ATP9B: variants seen among roughly 807,000 people sequenced by gnomAD.
ATP9B encodes ATPase phospholipid transporting 9B, also known as probable phospholipid-transporting ATPase IIB.
ATP9B carries 110 observed loss-of-function variants against 146.1 expected under a neutral mutation model. That is an observed-to-expected ratio of 0.75 (90% CI 0.65 to 0.88). ATP9B has a LOEUF of 0.88. ATP9B is among the 40% of genes least tolerant of loss of function. The probability of loss-of-function intolerance (pLI) is 0.00; values close to 1 mark genes in which losing one functional copy is unlikely to be tolerated. For synonymous variants in ATP9B, 604 were observed against 569.7 expected, an observed-to-expected ratio of 1.06 and a Z score of -0.86; for missense variants, 1,499 against 1,496.4, an observed-to-expected ratio of 1.00 and a Z score of -0.03.
chr18:79,159,805 C>G (rs1258546973), intron 7 of ATP9B, among the ~76,000 whole-genome samples: 1 of 152,222 alleles, frequency 6.6e-6, no homozygotes, highest in Non-Finnish European at 1.5e-5. Flanking sequence ...TCCCCTTTCT[C>G]TGTGAAATTT....
intron 13 of ATP9B, among the ~76,000 whole-genome samples, chr18:79,296,975 G>C (rs1246847609): frequency 1.3e-5 from 2 of 150,790 alleles, no homozygotes; most frequent in Non-Finnish European, 3.0e-5. Flanking sequence ...AGGAGACAGA[G>C]AGATGACCCA....
At chr18:79,354,862 C>T (rs1184450856) in intron 25 of ATP9B, among the ~76,000 whole-genome samples, 1 of 152,200 alleles carries the variant, frequency 6.6e-6, no homozygotes, top group African/African-American at 2.4e-5. Context: ...CCTCTCCAAC[C>T]GTGGGTCCAC....
Position 79,163,704 on chromosome 18 carries a change from C to G in ATP9B, c.778+9149C>G, listed in dbSNP as rs1449858527. Among the ~76,000 whole-genome samples the G allele has an allele frequency of 3.3e-5, 5 of 151,862 alleles. No homozygotes were observed. In the East Asian group the frequency reaches 9.6e-4, roughly 29 times the overall value. On this transcript the variant is annotated intron_variant, in intron 7 of 29. Transcript: ENST00000426216. ...TTATAATTCTTTTGACAAATAACCC[C>G]TAACGGTTTATTTAAATATATGTAT...
chr18:79,260,777 A>G (rs11661990), intron 12 of ATP9B, among the ~76,000 whole-genome samples: 9,367 of 152,308 alleles, frequency 0.062, 579 homozygotes, highest in African/African-American at 0.16. Context: ...TGAGCAGTGC[A>G]GAGGCCATGG....
chr18:79,197,146 A>G (rs1477373809), intron 9 of ATP9B, among the ~76,000 whole-genome samples: 1 of 152,230 alleles, frequency 6.6e-6, no homozygotes, highest in Non-Finnish European at 1.5e-5. Flanking sequence ...TCACAATGCA[A>G]TAAAATTGGT....
chr18:79,311,446 G>A (rs1490563642), intron 15 of ATP9B, among the ~76,000 whole-genome samples: 1 of 152,154 alleles, frequency 6.6e-6, no homozygotes, highest in Non-Finnish European at 1.5e-5. Flanking sequence ...GGTGACCTCA[G>A]GAACAAGAAA....
chr18:79,114,408 C>G (rs1056836159), intron 4 of ATP9B, among the ~76,000 whole-genome samples: 2 of 152,124 alleles, frequency 1.3e-5, no homozygotes, highest in African/African-American at 4.8e-5. Flanking sequence ...ACATGGCGAG[C>G]CGAGCAGTCT....
At position 79,118,408 on chromosome 18, in the gene ATP9B, T is replaced by G. The variant is rs796178403; in HGVS notation, c.558+5054T>G. ...CGTTTTTGTTTTTTTTTTTTTTTTTTTTTTTTTTTTGAGACAGAGTCTTGG... is the reference window on the plus strand; with the variant it reads ...CGTTTTTGTTTTTTTTTTTTTTTTTGTTTTTTTTTTGAGACAGAGTCTTGG... On this transcript the variant is annotated intron_variant, in intron 4 of 29. Coordinates refer to ENST00000426216, the MANE Select transcript of ATP9B (RefSeq NM_198531.5). Among the ~76,000 whole-genome samples the G allele has an allele frequency of 5.6e-4, 76 of 135,814 alleles. 2 individuals are homozygous for G. The highest frequency in any genetic ancestry group is 1.9e-3 in the African/African-American group (69 of 35,688). 89.1% of individuals were successfully genotyped at this position (135,814 alleles called of 152,430 possible). A position where few individuals can be genotyped will look rare whatever the true frequency, so the allele number is the denominator to read the frequency against.
chr18:79,287,297 C>G (rs1194565362), intron 13 of ATP9B, among the ~76,000 whole-genome samples: 2 of 152,154 alleles, frequency 1.3e-5, no homozygotes, highest in African/African-American at 4.8e-5. Flanking sequence ...AATTTCAGAG[C>G]CTGTTATTGG....
At chr18:79,114,515 GTT>G (rs1290658302) in intron 4 of ATP9B, among the ~76,000 whole-genome samples, 1 of 152,146 alleles carries the variant, frequency 6.6e-6, no homozygotes, top group Non-Finnish European at 1.5e-5. Flanking sequence ...CTAAATTCTT[GTT>G]TCCTGGAGAG....
Position 79,242,559 on chromosome 18 carries a change from C to A in ATP9B, c.1108-10822C>A, listed in dbSNP as rs567199132. Among the ~76,000 whole-genome samples the A allele has an allele frequency of 6.6e-5, 10 of 152,358 alleles. No individual in the cohort carries two copies. In the South Asian group the frequency reaches 1.5e-3, roughly 22 times the overall value. ...TTGCATATTAACATTTTCTGCCCCT[C>A]CAACTGGAAATTATTTGCTTTATTG... On this transcript the variant is annotated intron_variant, in intron 11 of 29. Coordinates refer to ENST00000426216, the MANE Select transcript of ATP9B (RefSeq NM_198531.5).
intron 13 of ATP9B, among the ~76,000 whole-genome samples, 185 bp from the exon 14 acceptor site, chr18:79,303,419 T>C (rs1029660774): frequency 6.6e-6 from 1 of 151,684 alleles, no homozygotes; most frequent in Non-Finnish European, 1.5e-5. Flanking sequence ...GGAGAAAATA[T>C]CTTGTTCTTC....
chr18:79,207,041 A>G (rs2095540939), intron 10 of ATP9B, 29 bp downstream of exon 10: 2 of 1,593,792 alleles, frequency 1.3e-6, no homozygotes, highest in South Asian at 1.1e-5. Context: ...TCTGAGTGTG[A>G]TTGCTCCCGG....
At chr18:79,376,089 G>A (rs899537514) in intron 29 of ATP9B, 9 of 983,932 alleles carry the variant, frequency 9.1e-6, no homozygotes, top group Middle Eastern at 5.2e-4. Context: ...AGAGCAGACC[G>A]GTCTGAGTAT....
intron 13 of ATP9B, 59 bp from the exon 14 acceptor site, chr18:79,303,545 C>T (rs2096604879): frequency 7.2e-7 from 1 of 1,396,522 alleles, no homozygotes; most frequent in Admixed American, 1.7e-5. Context: ...GGTAGGAAAG[C>T]TGGGTGTTCC....
chr18:79,076,177 A>G (rs539034282), intron 1 of ATP9B, among the ~76,000 whole-genome samples: 35 of 152,212 alleles, frequency 2.3e-4, no homozygotes, highest in Non-Finnish European at 4.1e-4. Context: ...AGTGTTAACA[A>G]TTTTTGCTTT....
chr18:79,282,352 G>A (rs1485956258), intron 13 of ATP9B, among the ~76,000 whole-genome samples: 6 of 152,112 alleles, frequency 3.9e-5, no homozygotes, highest in Non-Finnish European at 5.9e-5. Context: ...GGCATGCTAC[G>A]GAGAAATATT....
chr18:79,072,632 G>A (rs868166819), intron 1 of ATP9B, among the ~76,000 whole-genome samples: 1 of 152,106 alleles, frequency 6.6e-6, no homozygotes. Context: ...AACCGCCATC[G>A]TCATCATGGC....
At chr18:79,195,609 A>G (rs2095410867) in intron 9 of ATP9B, among the ~76,000 whole-genome samples, 2 of 152,240 alleles carry the variant, frequency 1.3e-5, no homozygotes, top group Non-Finnish European at 2.9e-5. Flanking sequence ...TAAAAACACA[A>G]GAATCAAAAT....
Sources: gnomAD v4.1 joint callset for allele counts (sites outside exome capture counted in the v4.1 genomes callset) on GRCh38, gnomAD v4.1.1 for gene constraint, MANE v1.5 for transcripts, NCBI Gene and HGNC (gene_info 2026-07-23, HGNC 2026-07-21) for gene names.